The following KCND2 variants were observed in gnomAD, a reference collection of about 807,000 sequenced individuals.
The protein encoded by KCND2 is A-type voltage-gated potassium channel KCND2.
KCND2 carries 16 observed loss-of-function variants against 54.4 expected under a neutral mutation model. The ratio of observed to expected loss-of-function variants is 0.29; its 90% CI spans 0.20 to 0.45. The LOEUF (loss-of-function observed/expected upper bound fraction) is 0.45. Among genes scored for constraint, KCND2 ranks in the 20% least tolerant of loss-of-function variants. The pLI, the probability that KCND2 is intolerant of heterozygous loss-of-function variation, is 1.00. For synonymous variants in KCND2, 317 were observed against 310.7 expected, an observed-to-expected ratio of 1.02 and a Z score of -0.21; for missense variants, 486 against 824.2, an observed-to-expected ratio of 0.59 and a Z score of 5.02.
intron 1 of KCND2, among the ~76,000 whole-genome samples, chr7:120,558,914 C>G (rs1264324626): frequency 6.6e-6 from 1 of 151,972 alleles, no homozygotes; most frequent in Non-Finnish European, 1.5e-5. Context: ...TCCATAGCAT[C>G]ATTATAAGAC....
At chr7:120,696,702 C>A (rs1792337030) in intron 1 of KCND2, among the ~76,000 whole-genome samples, 1 of 152,192 alleles carries the variant, frequency 6.6e-6, no homozygotes, top group Admixed American at 6.5e-5. Context: ...AAAGTGAGTT[C>A]TTCAGCCACC....
At chr7:120,682,657 C>T (rs1004698234) in intron 1 of KCND2, among the ~76,000 whole-genome samples, 17 of 152,196 alleles carry the variant, frequency 1.1e-4, no homozygotes, top group African/African-American at 3.4e-4. Flanking sequence ...AAAAATACTT[C>T]AGAAATGAAG....
chr7:120,512,752 AAACT>A (rs999146093), intron 1 of KCND2, among the ~76,000 whole-genome samples: 1 of 151,822 alleles, frequency 6.6e-6, no homozygotes, highest in Non-Finnish European at 1.5e-5. Context: ...GAGTCTGTCT[AAACT>A]AACTAAGAAT....
rs1025373399 is a variant in KCND2, at chr7:120,352,145, C to A, written c.1115+76398C>A. Among the ~76,000 whole-genome samples, 13 of 151,932 alleles carry A rather than the reference C, an allele frequency of 8.6e-5. No individual in the cohort carries two copies. The South Asian group carries it at 1.0e-3, about 12-fold the overall frequency. ...TGGAACTGGGGTTTCACCATGTTGG[C>A]CAGGATGGTCTCGATCTCTTGACCT... On this transcript the variant is annotated intron_variant, in intron 1 of 5. Coordinates refer to ENST00000331113, the MANE Select transcript of KCND2 (RefSeq NM_012281.3).
intron 1 of KCND2, among the ~76,000 whole-genome samples, chr7:120,591,047 A>G (rs892084700): frequency 5.3e-5 from 8 of 152,148 alleles, no homozygotes; most frequent in African/African-American, 1.4e-4. Context: ...TACTATGATA[A>G]TGCTTCATCT....
At chr7:120,740,312 T>A (rs1792924740) in intron 2 of KCND2, among the ~76,000 whole-genome samples, 1 of 152,070 alleles carries the variant, frequency 6.6e-6, no homozygotes, top group Admixed American at 6.6e-5. Context: ...ATATTTATTT[T>A]TCATTTAAAA....
At chr7:120,469,909 A>G (rs558632699) in intron 1 of KCND2, among the ~76,000 whole-genome samples, 3 of 152,170 alleles carry the variant, frequency 2.0e-5, no homozygotes, top group African/African-American at 4.8e-5. Flanking sequence ...ATCTCCTATT[A>G]GTAGCATAAA....
chr7:120,324,527 G>T (rs1268419930), intron 1 of KCND2, among the ~76,000 whole-genome samples: 33 of 150,362 alleles, frequency 2.2e-4, no homozygotes, highest in African/African-American at 8.0e-4. Flanking sequence ...AGGCTAGCCA[G>T]TTTTCCCAGC....
chr7:120,720,551 T>G lies in KCND2; in HGVS notation c.1116-12352T>G, dbSNP rs368227488. ...TGCCAGTTGTGCCAGTGGAAAGCACTGGCAGGAGATTGGAGAGGGGCTGGG... is the reference window on the plus strand; with the variant it reads ...TGCCAGTTGTGCCAGTGGAAAGCACGGGCAGGAGATTGGAGAGGGGCTGGG... On this transcript the variant is annotated intron_variant, in intron 1 of 5. Transcript: ENST00000331113. Among the ~76,000 whole-genome samples, 12 of 152,252 alleles carry G rather than the reference T, an allele frequency of 7.9e-5. No individual in the cohort carries two copies. In the East Asian group the frequency reaches 1.5e-3, roughly 20 times the overall value.
chr7:120,512,833 T>A (rs1441311879), intron 1 of KCND2, among the ~76,000 whole-genome samples: 1 of 150,510 alleles, frequency 6.6e-6, no homozygotes, highest in Non-Finnish European at 1.5e-5. Flanking sequence ...AGATTCTTGC[T>A]CTGTCTCCCA....
At chr7:120,365,840 G>A (rs1800669626) in intron 1 of KCND2, among the ~76,000 whole-genome samples, 1 of 152,064 alleles carries the variant, frequency 6.6e-6, no homozygotes, top group Non-Finnish European at 1.5e-5. Context: ...TGAAATGGAT[G>A]TTCAGGTAAG....
At chr7:120,328,138 G>C (rs1427799683) in intron 1 of KCND2, among the ~76,000 whole-genome samples, 2 of 152,066 alleles carry the variant, frequency 1.3e-5, no homozygotes, top group Admixed American at 1.3e-4. Context: ...GGACCTGGTG[G>C]TGGTATTGTT....
intron 1 of KCND2, among the ~76,000 whole-genome samples, chr7:120,726,610 A>G (rs1792736472): frequency 6.6e-6 from 1 of 152,144 alleles, no homozygotes; most frequent in African/African-American, 2.4e-5. Flanking sequence ...ATAATCAACT[A>G]ACGGCTTTCA....
At chr7:120,288,177 C>T (rs749348592) in intron 1 of KCND2, among the ~76,000 whole-genome samples, 2 of 151,942 alleles carry the variant, frequency 1.3e-5, no homozygotes, top group Non-Finnish European at 2.9e-5. Context: ...GATAATCGAC[C>T]AATTGGTTGT....
At chr7:120,687,528 T>A (rs1334904650) in intron 1 of KCND2, among the ~76,000 whole-genome samples, 1 of 151,980 alleles carries the variant, frequency 6.6e-6, no homozygotes, top group East Asian at 1.9e-4. Flanking sequence ...CAAAACATCA[T>A]GTTGGGGGCA....
At chr7:120,548,776 T>A (rs1475866655) in intron 1 of KCND2, among the ~76,000 whole-genome samples, 1 of 152,032 alleles carries the variant, frequency 6.6e-6, no homozygotes, top group East Asian at 1.9e-4. Flanking sequence ...AGCATTTTAG[T>A]GAGTTGCAGG....
intron 1 of KCND2, among the ~76,000 whole-genome samples, chr7:120,495,449 T>C (rs1802835505): frequency 6.6e-6 from 1 of 152,140 alleles, no homozygotes; most frequent in Non-Finnish European, 1.5e-5. Flanking sequence ...AAGGTCACTG[T>C]GTCCCTTTCA....
At chr7:120,487,710 T>A (rs892864025) in intron 1 of KCND2, among the ~76,000 whole-genome samples, 9 of 152,184 alleles carry the variant, frequency 5.9e-5, no homozygotes, top group African/African-American at 2.2e-4. Context: ...GGAAGACTAG[T>A]TAGTATTTGG....
intron 1 of KCND2, among the ~76,000 whole-genome samples, chr7:120,480,724 C>T (rs1458864640): frequency 6.6e-6 from 1 of 152,202 alleles, no homozygotes; most frequent in Non-Finnish European, 1.5e-5. Flanking sequence ...GCACCACACT[C>T]TTGGACTTCT....
Sources: gnomAD v4.1 joint callset for allele counts (sites outside exome capture counted in the v4.1 genomes callset) on GRCh38, gnomAD v4.1.1 for gene constraint, MANE v1.5 for transcripts, NCBI Gene and HGNC (gene_info 2026-07-23, HGNC 2026-07-21) for gene names.